GLT1D1: variants seen among roughly 807,000 people sequenced by gnomAD.
GLT1D1 encodes glycosyltransferase 1 domain containing 1, also known as glycosyltransferase 1 domain-containing protein 1.
GLT1D1 carries 21 observed loss-of-function variants against 28.7 expected under a neutral mutation model. That is an observed-to-expected ratio of 0.73 (90% confidence interval 0.52 to 1.05). The LOEUF (loss-of-function observed/expected upper bound fraction) is 1.05, where lower values mean the gene tolerates loss of function less well. Among genes scored for constraint, GLT1D1 ranks in the 50% least tolerant of loss-of-function variants. The probability of loss-of-function intolerance (pLI) is 0.00; values close to 1 mark genes in which losing one functional copy is unlikely to be tolerated. For missense variants in GLT1D1, 343 were observed against 330.6 expected (o/e 1.04, Z -0.29); for synonymous variants, 147 against 124.8 (o/e 1.18, Z -1.19).
At chr12:128,974,125 G>T (rs535370605) in intron 7 of GLT1D1, among the ~76,000 whole-genome samples, 1 of 152,200 alleles carries the variant, frequency 6.6e-6, no homozygotes, top group East Asian at 1.9e-4. Context: ...GGGAGAGGGC[G>T]CATAGGAATA....
intron 4 of GLT1D1, among the ~76,000 whole-genome samples, chr12:128,908,414 TTC>T (rs1463531742): frequency 1.3e-5 from 2 of 151,724 alleles, no homozygotes; most frequent in Non-Finnish European, 2.9e-5. Flanking sequence ...CTTTCTTTCT[TTC>T]TTTTTCTTTC....
chr12:128,935,006 C>T lies in GLT1D1; in HGVS notation c.376-10320C>T, dbSNP rs143680883. On this transcript the variant is annotated intron_variant, in intron 4 of 7. Transcript: ENST00000281703. ...AAGTCTCTGTCATTCTCTTCAAGGACGGGGTCCAGGAAGAGGGCACTGAAT... is the reference window on the plus strand; with the variant it reads ...AAGTCTCTGTCATTCTCTTCAAGGATGGGGTCCAGGAAGAGGGCACTGAAT... Among the ~76,000 whole-genome samples the T allele has an allele frequency of 4.5e-3, 692 of 152,100 alleles. 4 individuals are homozygous for T. Among genetic ancestry groups the T allele is most frequent in the Middle Eastern group, 0.02 (6 of 294 alleles).
intron 4 of GLT1D1, among the ~76,000 whole-genome samples, chr12:128,920,862 G>A (rs1872597970): frequency 6.6e-6 from 1 of 152,142 alleles, no homozygotes; most frequent in African/African-American, 2.4e-5. Context: ...AAAAGCAAAG[G>A]TAATAAAAAT....
intron 1 of GLT1D1, among the ~76,000 whole-genome samples, chr12:128,869,474 C>T (rs1303252864): frequency 1.3e-5 from 2 of 151,758 alleles, no homozygotes; most frequent in East Asian, 3.9e-4. Flanking sequence ...CCAGCCCCAT[C>T]TATTTTGAAA....
intron 4 of GLT1D1, 156 bp from the exon 9 acceptor site, chr12:128,945,170 T>C: frequency 1.3e-6 from 1 of 790,050 alleles, no homozygotes; most frequent in Non-Finnish European, 2.2e-6. Flanking sequence ...GGGGCCCCCA[T>C]GATCACCACA....
At chr12:128,867,129 C>T (rs1956551938) in intron 1 of GLT1D1, among the ~76,000 whole-genome samples, 3 of 151,692 alleles carry the variant, frequency 2.0e-5, no homozygotes, top group South Asian at 4.2e-4. Context: ...CGCAGTGGCT[C>T]ACGCCTGTAA....
chr12:128,949,644 G>T (rs1876481245), intron 6 of GLT1D1, among the ~76,000 whole-genome samples: 1 of 152,144 alleles, frequency 6.6e-6, no homozygotes, highest in African/African-American at 2.4e-5. Flanking sequence ...CTAATCAGTT[G>T]TTTCCACTTT....
chr12:128,977,338 A>G (rs1879860166), intron 7 of GLT1D1, among the ~76,000 whole-genome samples: 1 of 152,046 alleles, frequency 6.6e-6, no homozygotes. Flanking sequence ...AGACAAAACC[A>G]TGCTCTTTTG....
chr12:128,883,474 C>T (rs1957108322), intron 2 of GLT1D1, among the ~76,000 whole-genome samples: 1 of 151,202 alleles, frequency 6.6e-6, no homozygotes, highest in African/African-American at 2.4e-5. Flanking sequence ...CCTGTAATCC[C>T]AGCTACTCGG....
At chr12:128,876,524 C>T (rs527901475) in intron 2 of GLT1D1, among the ~76,000 whole-genome samples, 113 of 152,050 alleles carry the variant, frequency 7.4e-4, no homozygotes, top group Non-Finnish European at 1.3e-3. Context: ...CCTTGTTGCC[C>T]AGGCTGGTCT....
chr12:128,966,081 T>C (rs1480465881), intron 7 of GLT1D1, among the ~76,000 whole-genome samples: 1 of 152,206 alleles, frequency 6.6e-6, no homozygotes, highest in Non-Finnish European at 1.5e-5. Context: ...TTCAAGGGGA[T>C]TCATAGGGTC....
At chr12:128,917,864 C>G (rs1036417829) in intron 4 of GLT1D1, among the ~76,000 whole-genome samples, 1 of 152,036 alleles carries the variant, frequency 6.6e-6, no homozygotes, top group Admixed American at 6.6e-5. Context: ...ACGCTTTTAC[C>G]CTGTTAGTGG....
chr12:128,915,368 T>TC (rs1872003438), intron 4 of GLT1D1, among the ~76,000 whole-genome samples: 1 of 100,154 alleles, frequency 1.0e-5, no homozygotes, highest in African/African-American at 4.0e-5. Context: ...ATGCAACACA[T>TC]TTTTTTTTTT....
At chr12:128,930,634 T>C (rs1166124920) in intron 4 of GLT1D1, among the ~76,000 whole-genome samples, 3 of 152,182 alleles carry the variant, frequency 2.0e-5, no homozygotes, top group South Asian at 2.1e-4. Flanking sequence ...GACGATCATC[T>C]GGTCGCAATG....
intron 7 of GLT1D1, among the ~76,000 whole-genome samples, chr12:128,965,728 A>AG (rs796436442): frequency 2.9e-5 from 4 of 140,150 alleles, no homozygotes; most frequent in African/African-American, 5.6e-5. Context: ...AAAAAAAAAA[A>AG]AAAAAAAGAA....
intron 4 of GLT1D1, among the ~76,000 whole-genome samples, chr12:128,928,642 T>C (rs1873543704): frequency 6.6e-6 from 1 of 151,080 alleles, no homozygotes; most frequent in Non-Finnish European, 1.5e-5. Context: ...CTTTTTGAGA[T>C]GGAGTTTCGC....
intron 1 of GLT1D1, among the ~76,000 whole-genome samples, chr12:128,858,958 G>A (rs1956294176): frequency 1.3e-5 from 2 of 152,132 alleles, no homozygotes; most frequent in African/African-American, 4.8e-5. Context: ...GCTTGGAACT[G>A]CCCTTCCTCC....
intron 7 of GLT1D1, among the ~76,000 whole-genome samples, chr12:128,968,960 C>T (rs919745637): frequency 2.6e-5 from 4 of 152,104 alleles, no homozygotes; most frequent in Non-Finnish European, 5.9e-5. Flanking sequence ...CCCGTCTTTC[C>T]TGCTGTGCCT....
intron 1 of GLT1D1, among the ~76,000 whole-genome samples, chr12:128,870,595 C>T (rs1593058245): frequency 1.3e-5 from 2 of 152,090 alleles, no homozygotes; most frequent in African/African-American, 4.8e-5. Flanking sequence ...GCAAGTCAGC[C>T]AGAAACAAGG....
Sources: allele counts gnomAD v4.1 joint callset (sites outside exome capture counted in the v4.1 genomes callset), GRCh38; gene constraint gnomAD v4.1.1; transcripts MANE v1.5; gene names NCBI Gene and HGNC (gene_info 2026-07-23, HGNC 2026-07-21).